The following NAALADL2 variants were observed in gnomAD, a reference collection of about 807,000 sequenced individuals.
NAALADL2 encodes inactive N-acetylated-alpha-linked acidic dipeptidase-like protein 2.
A neutral mutation model predicts 87.2 loss-of-function variants in NAALADL2; 76 were observed. The observed-to-expected ratio is 0.87, with a 90% CI of 0.72 to 1.05. The LOEUF (loss-of-function observed/expected upper bound fraction) is 1.05, where lower values mean the gene tolerates loss of function less well. Among genes scored for constraint, NAALADL2 ranks in the 50% least tolerant of loss-of-function variants. The pLI is 0.00. For missense variants in NAALADL2, 1,089 were observed against 945.8 expected, an observed-to-expected ratio of 1.15 and a Z score of -1.99; for synonymous variants, 354 against 331.0, an observed-to-expected ratio of 1.07 and a Z score of -0.75.
At chr3:175,637,472 G>A (rs1337015477) in intron 11 of NAALADL2, among the ~76,000 whole-genome samples, 4 of 152,194 alleles carry the variant, frequency 2.6e-5, no homozygotes, top group Non-Finnish European at 4.4e-5. Flanking sequence ...CTTCATGAGA[G>A]GTGTTTGGAT....
intron 2 of NAALADL2, among the ~76,000 whole-genome samples, chr3:175,143,060 C>A (rs1730233647): frequency 6.6e-6 from 1 of 151,896 alleles, no homozygotes; most frequent in South Asian, 2.1e-4. Context: ...AATTCTGATG[C>A]TTGACATCAC....
Position 175,252,954 on chromosome 3 carries a change from C to T in NAALADL2, c.820-3457C>T, listed in dbSNP as rs117157858. 3.8e-4 allele frequency among the ~76,000 whole-genome samples: 58 copies of T among 152,204 alleles called. No homozygotes were observed. In the East Asian group the frequency reaches 0.011, roughly 29 times the overall value. On this transcript the variant is annotated intron_variant, in intron 3 of 13. Transcript: ENST00000454872. The stretch of plus-strand genomic sequence containing the variant: ...AGTTTGAAGTTAACAGGGGTTGATC[C>T]ATGAGGTTTAAGAAAAGAAGCTATC...
intron 2 of NAALADL2, among the ~76,000 whole-genome samples, chr3:174,587,168 CT>C: frequency 6.6e-6 from 1 of 152,166 alleles, no homozygotes. Flanking sequence ...TGAACTTATC[CT>C]TTTTTATGGC....
chr3:175,769,066 T>C (rs1459376084), intron 13 of NAALADL2, among the ~76,000 whole-genome samples: 1 of 152,198 alleles, frequency 6.6e-6, no homozygotes, highest in Non-Finnish European at 1.5e-5. Flanking sequence ...ATTTTGTTTC[T>C]TGCATTTCCT....
In NAALADL2 at chr3:175,104,681, T is replaced by C. The variant is rs75052175; in HGVS notation, c.545+7390T>C. Among the ~76,000 whole-genome samples the C allele has an allele frequency of 6.6e-3, 999 of 152,220 alleles. 7 individuals carry two copies. Among genetic ancestry groups the C allele is most frequent in the African/African-American group, 0.023 (954 of 41,528 alleles). Reference sequence around the variant, plus strand: ...CTGCTATTTTAATTAGAGAAAAACATGTAAATGCATGCACATAATTCAGTG... The same window carrying C: ...CTGCTATTTTAATTAGAGAAAAACACGTAAATGCATGCACATAATTCAGTG... On this transcript the variant is annotated intron_variant, in intron 2 of 13. Coordinates refer to ENST00000454872, the MANE Select transcript of NAALADL2 (RefSeq NM_207015.3).
At chr3:175,672,701 T>C (rs1328796138) in intron 11 of NAALADL2, among the ~76,000 whole-genome samples, 4 of 152,186 alleles carry the variant, frequency 2.6e-5, no homozygotes, top group Non-Finnish European at 5.9e-5. Context: ...ATAACACTGA[T>C]TTGTAAATCT....
chr3:174,851,857 C>T (rs941987062), intron 3 of NAALADL2, among the ~76,000 whole-genome samples: 1 of 151,994 alleles, frequency 6.6e-6, no homozygotes, highest in Non-Finnish European at 1.5e-5. Context: ...AATTCAACAA[C>T]ACATTAAAAA....
intron 3 of NAALADL2, among the ~76,000 whole-genome samples, chr3:174,850,854 T>C (rs1725160630): frequency 6.6e-6 from 1 of 152,120 alleles, no homozygotes; most frequent in African/African-American, 2.4e-5. Context: ...ATAGACCATA[T>C]ATAAGTCCAC....
At chr3:175,254,437 G>C (rs1749576613) in intron 3 of NAALADL2, among the ~76,000 whole-genome samples, 2 of 152,170 alleles carry the variant, frequency 1.3e-5, no homozygotes, top group Admixed American at 1.3e-4. Context: ...CCCAAAATCT[G>C]TGTGATTCAC....
rs573711020 is a variant in NAALADL2, at chr3:175,096,938, C to A, written c.192C>A (p.Phe64Leu). 2 of 1,613,274 alleles carry A rather than the reference C, an allele frequency of 1.2e-6. No homozygotes were observed. The highest frequency in any genetic ancestry group is 3.3e-5 in the Admixed American group (2 of 59,832). ...TAGAGGAGTCTGGTTTTGACCAATT[C>A]CAGCTAGACGGTGCTGAGAATCAGA... ...KELEESGFDQFQLDGAENQNL... is the reference protein window; with the variant it reads ...KELEESGFDQLQLDGAENQNL... The change falls in exon 2 of 14, where the codon TTC becomes TTA. Residue 64 changes from phenylalanine (F) to leucine (L), a missense_variant. By Grantham distance (22) the Phe-to-Leu change is conservative. Transcript: ENST00000454872.
At chr3:174,667,830 GAA>G (rs1282512123) in intron 2 of NAALADL2, among the ~76,000 whole-genome samples, 1 of 152,062 alleles carries the variant, frequency 6.6e-6, no homozygotes, top group Non-Finnish European at 1.5e-5. Context: ...TTGGAAAAAA[GAA>G]GAGAAAATAA....
At chr3:174,457,726 G>A (rs1715935289) in intron 1 of NAALADL2, among the ~76,000 whole-genome samples, 1 of 152,008 alleles carries the variant, frequency 6.6e-6, no homozygotes, top group Non-Finnish European at 1.5e-5. Context: ...CAGGAGATTT[G>A]CTTGAATCCG....
intron 3 of NAALADL2, among the ~76,000 whole-genome samples, chr3:175,248,720 C>T (rs796986804): frequency 3.6e-4 from 55 of 152,240 alleles, no homozygotes; most frequent in African/African-American, 1.3e-3. Context: ...TGTATGAAGG[C>T]GTCCCTATGT....
intron 2 of NAALADL2, among the ~76,000 whole-genome samples, chr3:175,141,231 C>G (rs1729948594): frequency 1.3e-5 from 2 of 152,060 alleles, no homozygotes; most frequent in Admixed American, 1.3e-4. Context: ...CTCCTTGCTT[C>G]TGGAGAACCC....
intron 1 of NAALADL2, among the ~76,000 whole-genome samples, chr3:174,925,520 G>T (rs995349832): frequency 2.0e-5 from 3 of 152,146 alleles, no homozygotes; most frequent in Non-Finnish European, 4.4e-5. Context: ...CTCCAGCTTT[G>T]TTCTTTCGGC....
chr3:174,678,406 C>T (rs767130525), intron 2 of NAALADL2, among the ~76,000 whole-genome samples: 2 of 152,084 alleles, frequency 1.3e-5, no homozygotes, highest in Admixed American at 6.6e-5. Context: ...TTAAATTGCC[C>T]AGTTATACTT....
chr3:174,894,796 A>C (rs1731305670), intron 1 of NAALADL2, among the ~76,000 whole-genome samples: 2 of 151,998 alleles, frequency 1.3e-5, no homozygotes, highest in South Asian at 4.1e-4. Context: ...AGATCACAAG[A>C]GTCTTAAAAC....
intron 1 of NAALADL2, among the ~76,000 whole-genome samples, chr3:175,033,381 T>C (rs1020630452): frequency 1.3e-5 from 2 of 152,094 alleles, no homozygotes; most frequent in Admixed American, 6.6e-5. Context: ...ACAGATGATA[T>C]TGTCTGTCTT....
chr3:174,884,257 C>T (rs1470731450), intron 1 of NAALADL2, among the ~76,000 whole-genome samples: 2 of 152,068 alleles, frequency 1.3e-5, no homozygotes, highest in Non-Finnish European at 2.9e-5. Context: ...TGAACCCTGG[C>T]CATGAAAGAA....
Sources: allele counts gnomAD v4.1 joint callset (sites outside exome capture counted in the v4.1 genomes callset), GRCh38; gene constraint gnomAD v4.1.1; transcripts MANE v1.5; gene names NCBI Gene and HGNC (gene_info 2026-07-23, HGNC 2026-07-21).